Variants in ADCYAP1 observed in about 807,000 individuals in gnomAD.
The protein encoded by ADCYAP1 is adenylate cyclase activating polypeptide 1, also known as pituitary adenylate cyclase-activating polypeptide.
ADCYAP1 carries 6 observed loss-of-function variants against 18.5 expected under a neutral mutation model. The observed-to-expected ratio is 0.32, with a 90% CI of 0.18 to 0.64. ADCYAP1 has a LOEUF of 0.64. ADCYAP1 is among the 30% of genes least tolerant of loss of function. ADCYAP1 has a pLI of 0.77. For missense variants in ADCYAP1, 314 were observed against 253.6 expected (o/e 1.24, Z -1.62); for synonymous variants, 136 against 113.9 (o/e 1.19, Z -1.24).
At chr18:906,300 C>T (rs2143108339) in intron 2 of ADCYAP1, 1 of 152,534 alleles carries the variant, frequency 6.6e-6, no homozygotes, top group Non-Finnish European at 1.5e-5. Context: ...CCGGAGGCAG[C>T]CCCAGAGTCG....
chr18:908,457 A>G (rs1909266382), intron 4 of ADCYAP1, 94 bp downstream of exon 4: 1 of 1,047,702 alleles, frequency 9.5e-7, no homozygotes. Flanking sequence ...CGTGGGGGCC[A>G]GGGTGAGTCT....
At chr18:907,568 G>T in intron 2 of ADCYAP1, 91 bp from the exon 3 acceptor site, 1 of 1,381,182 alleles carries the variant, frequency 7.2e-7, no homozygotes, top group Non-Finnish European at 9.7e-7. Context: ...TATCACCTGT[G>T]AAAATCCGCG....
chr18:907,985 C>A (rs1909242437), intron 3 of ADCYAP1, 195 bp downstream of exon 3: 2 of 1,075,788 alleles, frequency 1.9e-6, no homozygotes, highest in African/African-American at 1.6e-5. Flanking sequence ...ACCTGAGGGC[C>A]GCGTGGGGAC....
At chr18:907,951 TCAG>T (rs1160932685) in intron 3 of ADCYAP1, 161 bp downstream of exon 3, 3 of 1,291,876 alleles carry the variant, frequency 2.3e-6, no homozygotes, top group Non-Finnish European at 2.0e-6. Flanking sequence ...CGACAGAAAA[TCAG>T]CAGCGGGCGG....
chr18:905,401 C>A lies in ADCYAP1; in HGVS notation c.15C>A (p.Ser5Arg), dbSNP rs748744145. 5.6e-6 allele frequency: 9 copies of A among 1,612,944 alleles called. No individual in the cohort carries two copies. In the East Asian group the frequency reaches 1.8e-4, roughly 32 times the overall value. The change falls in exon 2 of 5, where the codon AGC (serine) becomes AGA (arginine). Residue 5 changes from serine to arginine, a missense_variant. Transcript: ENST00000450565. MTMC[S>R]GARLALLVYG... ...TCCTGCGCAGAATGACCATGTGTAG[C>A]GGAGCGAGGCTGGCCCTGCTGGTCT...
intron 2 of ADCYAP1, among the ~76,000 whole-genome samples, chr18:907,267 C>G (rs573246506): frequency 1.3e-5 from 2 of 152,308 alleles, no homozygotes; most frequent in East Asian, 1.9e-4. Context: ...GGTCAGCGCC[C>G]GGTCTCCCAG....
chr18:905,711 T>C (rs914414117), intron 2 of ADCYAP1: 3 of 611,264 alleles, frequency 4.9e-6, no homozygotes, highest in Admixed American at 3.1e-5. Flanking sequence ...CCCCCAGCCC[T>C]AGGCAGCTCA....
rs1395502918 is a variant in ADCYAP1, at chr18:908,339, A to G, written c.317A>G (p.Gln106Arg). 13 of 1,613,328 alleles carry G rather than the reference A, an allele frequency of 8.1e-6. No homozygotes were observed. The highest frequency in any genetic ancestry group is 1.0e-5 in the Non-Finnish European group (12 of 1,179,744). ...LDQLSAGKHL[Q>R]SLVARGVGGS... The stretch of plus-strand genomic sequence containing the variant: ...CAGCTGTCCGCCGGGAAGCACCTGC[A>G]GTCGCTCGTGGCCCGGGGCGTGGGG... The change falls in exon 4 of 5, where the codon CAG (glutamine) becomes CGG (arginine). Residue 106 changes from glutamine (Q) to arginine (R), a missense_variant. By Grantham distance (43) the Gln-to-Arg change is conservative (BLOSUM62 1). Transcript: ENST00000450565.
upstream of ADCYAP1, chr18:904,660 C>T: frequency 8.2e-7 from 1 of 1,223,082 alleles, no homozygotes; most frequent in Non-Finnish European, 1.0e-6. Context: ...GGCTAGCCGC[C>T]CGCCCTCTCC....
At position 909,456 on chromosome 18, in the gene ADCYAP1, G is replaced by A. The variant is rs1909302665; in HGVS notation, c.352G>A (p.Gly118Ser). The A allele has an allele frequency of 2.5e-6, 4 of 1,611,626 alleles. No individual in the cohort carries two copies. The highest frequency in any genetic ancestry group is 1.3e-5 in the African/African-American group (1 of 74,840). ...LVARGVGGSLGGGAGDDAEPL... is the reference protein window; with the variant it reads ...LVARGVGGSLSGGAGDDAEPL... ...CCCCTTTGCTTGCAGTGGGAGCCTC[G>A]GCGGCGGCGCGGGGGACGACGCGGA... is the stretch of plus-strand genomic sequence containing the variant. The change falls in exon 5 of 5, where the codon GGC (glycine) becomes AGC (serine). Residue 118 changes from glycine (G) to serine (S), a missense_variant. Coordinates refer to ENST00000450565, the MANE Select transcript of ADCYAP1 (RefSeq NM_001099733.2).
chr18:905,265 C>A, intron 1 of ADCYAP1, 121 bp from the exon 2 acceptor site: 1 of 1,507,384 alleles, frequency 6.6e-7, no homozygotes, highest in African/African-American at 1.4e-5. Context: ...AAGTGCTGTT[C>A]AACTCAGGGA....
At chr18:904,484 AT>A (rs1455847949), upstream of ADCYAP1, 8 of 1,289,128 alleles carry the variant, frequency 6.2e-6, no homozygotes, top group Non-Finnish European at 8.1e-6. Flanking sequence ...GTTCGGATAG[AT>A]TTTTGCGAAC....
At position 909,600 on chromosome 18, in the gene ADCYAP1, G is replaced by A; in HGVS notation, c.496G>A (p.Val166Ile). ...AVLGKRYKQR[V>I]KNKGRRIAYL ...CCTAGGGAAGAGGTATAAACAAAGG[G>A]TTAAAAACAAAGGACGCCGAATAGC... is the stretch of plus-strand genomic sequence containing the variant. The change falls in exon 5 of 5, where the codon GTT becomes ATT. Residue 166 changes from valine (V) to isoleucine (I), a missense_variant. Physicochemically the swap from Val to Ile is conservative, Grantham distance 29. Transcript: ENST00000450565. 6.2e-7 allele frequency: 1 copy of A among 1,613,892 alleles called. No homozygotes were observed. Among genetic ancestry groups the A allele is most frequent in the East Asian group, 2.2e-5 (1 of 44,852 alleles).
intron 2 of ADCYAP1, 120 bp from the exon 3 acceptor site, chr18:907,539 A>G (rs937799915): frequency 4.6e-6 from 5 of 1,083,854 alleles, no homozygotes; most frequent in South Asian, 3.2e-5. Context: ...AGAAGAGACA[A>G]TTCTCAGCGG....
upstream of ADCYAP1, chr18:904,520 G>A (rs780534371): frequency 4.7e-6 from 6 of 1,289,038 alleles, no homozygotes; most frequent in South Asian, 7.4e-5. Context: ...GGAGCAGAAG[G>A]CCGGTCACCT....
chr18:904,781 C>T (rs1372566281), upstream of ADCYAP1: 2 of 1,278,182 alleles, frequency 1.6e-6, no homozygotes, highest in African/African-American at 1.5e-5. Context: ...CCTCATCGCC[C>T]CCTCTTTCTT....
At chr18:905,155 C>T (rs1228979589) in intron 1 of ADCYAP1, 95 bp downstream of exon 1, 32 of 1,398,780 alleles carry the variant, frequency 2.3e-5, no homozygotes, top group Non-Finnish European at 2.8e-5. Flanking sequence ...TTCCTTCAGC[C>T]GGGTCTGGCT....
rs895003276 is a variant in ADCYAP1 at position 908,356 on chromosome 18, G to A, written c.334G>A (p.Gly112Ser). The change falls in exon 4 of 5, where the codon GGC becomes AGC. Residue 112 changes from glycine to serine, a missense_variant. Transcript: ENST00000450565. ...GKHLQSLVAR[G>S]VGGSLGGGAG... ...GCACCTGCAGTCGCTCGTGGCCCGG[G>A]GCGTGGGGTAAGAGTTTGTGGAAGG... 1 of 1,612,918 alleles carries A rather than the reference G, an allele frequency of 6.2e-7. No homozygotes were observed. The highest frequency in any genetic ancestry group is 8.5e-7 in the Non-Finnish European group (1 of 1,179,552).
chr18:905,132 A>G, intron 1 of ADCYAP1, 72 bp downstream of exon 1: 1 of 1,377,730 alleles, frequency 7.3e-7, no homozygotes, highest in Non-Finnish European at 9.4e-7. Flanking sequence ...GCATCGCGTC[A>G]GGGGAGTTAG....
Sources: allele counts gnomAD v4.1 joint callset (sites outside exome capture counted in the v4.1 genomes callset), GRCh38; gene constraint gnomAD v4.1.1; transcripts MANE v1.5; gene names NCBI Gene and HGNC (gene_info 2026-07-23, HGNC 2026-07-21).